GLCE: variants seen among roughly 807,000 people sequenced by gnomAD.
GLCE encodes the protein glucuronic acid epimerase, also known as D-glucuronyl C5-epimerase.
GLCE carries 19 observed loss-of-function variants against 47.9 expected under a neutral mutation model. The ratio of observed to expected loss-of-function variants is 0.40; its 90% CI spans 0.28 to 0.58. The LOEUF is 0.58. Among genes scored for constraint, GLCE ranks in the 20% least tolerant of loss-of-function variants. GLCE has a pLI of 0.48. For missense variants in GLCE, 556 were observed against 743.3 expected, an observed-to-expected ratio of 0.75 and a Z score of 2.93; for synonymous variants, 245 against 263.4, an observed-to-expected ratio of 0.93 and a Z score of 0.68.
Position 69,256,313 on chromosome 15 carries a change from C to G in GLCE, c.507C>G (p.His169Gln). ...TCTATGCACAGAGAGCCCCCTATCA[C>G]CCCGATGGTGTGTTTATGTCTTTTG... ...SKVYAQRAPY[H>Q]PDGVFMSFEG... Residue 169 changes from histidine (H) to glutamine (Q), a missense_variant, in exon 3 of 5, where the codon CAC becomes CAG. Transcript: ENST00000261858. The G allele has an allele frequency of 6.2e-7, 1 of 1,613,980 alleles. No homozygotes were observed.
chr15:69,188,256 AAAC>A (rs1238823370), intron 1 of GLCE, among the ~76,000 whole-genome samples: 1 of 152,104 alleles, frequency 6.6e-6, no homozygotes, highest in African/African-American at 2.4e-5. Context: ...AAACAAAACA[AAAC>A]AAAAAAACAC....
chr15:69,192,033 A>G (rs1435376532), intron 1 of GLCE, among the ~76,000 whole-genome samples: 2 of 152,154 alleles, frequency 1.3e-5, no homozygotes, highest in African/African-American at 2.4e-5. Context: ...TCAGCAATGT[A>G]TGTGTGAATG....
intron 1 of GLCE, among the ~76,000 whole-genome samples, chr15:69,197,669 A>T (rs1239260862): frequency 1.3e-5 from 2 of 152,170 alleles, no homozygotes; most frequent in African/African-American, 2.4e-5. Context: ...GATGTTGGTG[A>T]CCTTAAATAA....
chr15:69,251,449 C>T (rs2052843187), intron 2 of GLCE, among the ~76,000 whole-genome samples: 1 of 152,144 alleles, frequency 6.6e-6, no homozygotes, highest in Admixed American at 6.5e-5. Flanking sequence ...TAGGTCATGG[C>T]AAACGTATAC....
chr15:69,221,734 G>A (rs143844535), intron 2 of GLCE, among the ~76,000 whole-genome samples: 16 of 151,864 alleles, frequency 1.1e-4, no homozygotes, highest in African/African-American at 3.9e-4. Flanking sequence ...GTGGTGGTGG[G>A]CACCCATAAT....
At chr15:69,254,030 A>G (rs1372817690) in intron 2 of GLCE, among the ~76,000 whole-genome samples, 1 of 152,186 alleles carries the variant, frequency 6.6e-6, no homozygotes, top group African/African-American at 2.4e-5. Flanking sequence ...TGAATTACAC[A>G]TTCACCATCA....
intron 2 of GLCE, among the ~76,000 whole-genome samples, chr15:69,244,511 G>A (rs2052720733): frequency 6.6e-6 from 1 of 152,100 alleles, no homozygotes; most frequent in Non-Finnish European, 1.5e-5. Flanking sequence ...CCTGTTATAA[G>A]TTAAAATCTT....
chr15:69,253,370 C>T (rs986016175), intron 2 of GLCE, among the ~76,000 whole-genome samples: 1 of 152,256 alleles, frequency 6.6e-6, no homozygotes, highest in Non-Finnish European at 1.5e-5. Context: ...GTCCAGCCCA[C>T]ACAGAGCTCC....
chr15:69,215,311 C>T (rs1211670648), intron 2 of GLCE, among the ~76,000 whole-genome samples: 2 of 152,160 alleles, frequency 1.3e-5, no homozygotes, highest in African/African-American at 4.8e-5. Context: ...GTATCATATA[C>T]ATGGAATCAT....
At chr15:69,194,988 C>A (rs1324637284) in intron 1 of GLCE, among the ~76,000 whole-genome samples, 2 of 151,904 alleles carry the variant, frequency 1.3e-5, no homozygotes, top group African/African-American at 4.8e-5. Flanking sequence ...AACTTGGATT[C>A]AAAAAAACCT....
In GLCE at chr15:69,247,938, A is replaced by G. The variant is rs972478888; in HGVS notation, c.-13-7856A>G. Among the ~76,000 whole-genome samples the G allele has an allele frequency of 1.3e-5, 2 of 152,220 alleles. 1 individual carries two copies. The highest frequency in any genetic ancestry group is 2.9e-5 in the Non-Finnish European group (2 of 68,044). Reference sequence around the variant, plus strand: ...ATCACTGATCACAGATCACCATAACAGATATAATTATGAGAAAATATTAGA... The same window carrying G: ...ATCACTGATCACAGATCACCATAACGGATATAATTATGAGAAAATATTAGA... On this transcript the variant is annotated intron_variant, in intron 2 of 4. Transcript: ENST00000261858.
Position 69,231,286 on chromosome 15 carries a change from AT to A in GLCE, c.-14+20895del, listed in dbSNP as rs67017442. Among the ~76,000 whole-genome samples, 264 of 139,594 alleles carry A rather than the reference AT, an allele frequency of 1.9e-3. 1 individual carries two copies. Among genetic ancestry groups the A allele is most frequent in the Middle Eastern group, 3.8e-3 (1 of 264 alleles). The allele number at this position is 139,594 out of a possible 152,430, so 91.6% of individuals were successfully genotyped here. A position where few individuals can be genotyped will look rare whatever the true frequency, so the allele number is the denominator to read the frequency against. Reference sequence around the variant, plus strand: ...GCTACCTAGTGTTTTTTGTCCAGTCATTTTTTTTTTTTTTTGAGATGGAGTC... The same window carrying A: ...GCTACCTAGTGTTTTTTGTCCAGTCATTTTTTTTTTTTTTGAGATGGAGTC... On this transcript the variant is annotated intron_variant, in intron 2 of 4. Coordinates refer to ENST00000261858, the MANE Select transcript of GLCE (RefSeq NM_015554.3).
chr15:69,269,511 C>T lies in GLCE; in HGVS notation c.*267C>T, dbSNP rs2053135919. On this transcript the variant is annotated 3_prime_UTR_variant, in exon 5 of 5. Coordinates refer to ENST00000261858, the MANE Select transcript of GLCE (RefSeq NM_015554.3). ...ACTTTGCCTTGCCCATCACCCTATACAGTTTCGCAGATAGTCTAGTCACTC... is the reference window on the plus strand; with the variant it reads ...ACTTTGCCTTGCCCATCACCCTATATAGTTTCGCAGATAGTCTAGTCACTC... 4.6e-6 allele frequency: 2 copies of T among 437,064 alleles called. No homozygotes were observed. The highest frequency in any genetic ancestry group is 8.2e-6 in the Non-Finnish European group (2 of 243,998). The allele number at this position is 437,064 out of a possible 1,614,324, so 27.1% of individuals were successfully genotyped here.
intron 1 of GLCE, among the ~76,000 whole-genome samples, chr15:69,179,652 G>A (rs1014856592): frequency 6.6e-6 from 1 of 152,126 alleles, no homozygotes; most frequent in Non-Finnish European, 1.5e-5. Flanking sequence ...TAGTTTTATA[G>A]GGGAGATAAT....
chr15:69,254,137 G>T (rs1171577720), intron 2 of GLCE, among the ~76,000 whole-genome samples: 1 of 152,098 alleles, frequency 6.6e-6, no homozygotes, highest in Admixed American at 6.6e-5. Context: ...GATTAAAAAC[G>T]ATAAAATTAG....
intron 3 of GLCE, among the ~76,000 whole-genome samples, chr15:69,258,228 A>G (rs2052958185): frequency 1.3e-5 from 2 of 151,760 alleles, no homozygotes; most frequent in Non-Finnish European, 2.9e-5. Context: ...GCTCCCACTT[A>G]GAAGTGAGAA....
intron 4 of GLCE, among the ~76,000 whole-genome samples, chr15:69,264,028 T>G (rs1450429986): frequency 2.0e-5 from 3 of 152,134 alleles, no homozygotes; most frequent in Non-Finnish European, 4.4e-5. Context: ...GTGAGAACAT[T>G]TAAGAGATAT....
Position 69,255,942 on chromosome 15 carries a change from G to T in GLCE, c.136G>T (p.Gly46Cys), listed in dbSNP as rs1200911432. Residue 46 changes from glycine to cysteine, a missense_variant, in exon 3 of 5, where the codon GGC (glycine) becomes TGC (cysteine). Physicochemically the swap from Gly to Cys is radical, Grantham distance 159 (BLOSUM62 -3). Coordinates refer to ENST00000261858, the MANE Select transcript of GLCE (RefSeq NM_015554.3). ...AIQFPRRSSS[G>C]FRVDGFEKRA... Reference sequence around the variant, plus strand: ...CCAGTTTCCACGGCGTTCGAGTAGTGGCTTCAGAGTGGATGGGTTTGAAAA... The same window carrying T: ...CCAGTTTCCACGGCGTTCGAGTAGTTGCTTCAGAGTGGATGGGTTTGAAAA... The T allele has an allele frequency of 6.2e-7, 1 of 1,614,040 alleles. No individual in the cohort carries two copies. Among genetic ancestry groups the T allele is most frequent in the Non-Finnish European group, 8.5e-7 (1 of 1,179,994 alleles).
intron 2 of GLCE, among the ~76,000 whole-genome samples, chr15:69,223,256 C>T (rs779811897): frequency 2.4e-4 from 37 of 152,122 alleles, no homozygotes; most frequent in Middle Eastern, 3.2e-3. Flanking sequence ...GTAATGAATT[C>T]CTTCAGCTTT....
Sources: allele counts gnomAD v4.1 joint callset (sites outside exome capture counted in the v4.1 genomes callset), GRCh38; gene constraint gnomAD v4.1.1; transcripts MANE v1.5; gene names NCBI Gene and HGNC (gene_info 2026-07-23, HGNC 2026-07-21).